The following SNX9 variants were observed in gnomAD, a reference collection of about 807,000 sequenced individuals.
The protein encoded by SNX9 is sorting nexin-9.
A neutral mutation model predicts 89.4 loss-of-function variants in SNX9; 44 were observed. The observed-to-expected ratio is 0.49, with a 90% CI of 0.39 to 0.63. The LOEUF is 0.63. Among genes scored for constraint, SNX9 ranks in the 30% least tolerant of loss-of-function variants. The pLI is 0.00. For synonymous variants in SNX9, 236 were observed against 247.8 expected, an observed-to-expected ratio of 0.95 and a Z score of 0.45; for missense variants, 578 against 736.1, an observed-to-expected ratio of 0.79 and a Z score of 2.49.
intron 1 of SNX9, among the ~76,000 whole-genome samples, chr6:157,835,908 A>G (rs955572355): frequency 6.6e-6 from 1 of 152,090 alleles, no homozygotes; most frequent in African/African-American, 2.4e-5. Flanking sequence ...GACCACAGGC[A>G]TACACCACCA....
chr6:157,864,770 C>G (rs1473492950), intron 1 of SNX9, among the ~76,000 whole-genome samples: 2 of 152,192 alleles, frequency 1.3e-5, no homozygotes, highest in African/African-American at 4.8e-5. Flanking sequence ...TGGCTCACAC[C>G]TGTAATCCCA....
At chr6:157,922,172 G>A (rs557613188) in intron 10 of SNX9, among the ~76,000 whole-genome samples, 1 of 152,204 alleles carries the variant, frequency 6.6e-6, no homozygotes, top group Non-Finnish European at 1.5e-5. Context: ...TGCCCCTGTG[G>A]CCTGTAGTCT....
chr6:157,897,348 G>A (rs1026054364), intron 5 of SNX9, among the ~76,000 whole-genome samples: 3 of 152,166 alleles, frequency 2.0e-5, no homozygotes, highest in African/African-American at 7.2e-5. Context: ...CAAATAAAGA[G>A]CCAGATGAAG....
intron 4 of SNX9, among the ~76,000 whole-genome samples, chr6:157,891,027 CTTTTTTTT>C (rs67186551): frequency 8.7e-6 from 1 of 114,940 alleles, no homozygotes; most frequent in Non-Finnish European, 1.8e-5. Context: ...TTTTCTTTCT[CTTTTTTTT>C]TTTTTTTTTT....
intron 1 of SNX9, among the ~76,000 whole-genome samples, chr6:157,836,578 ACAC>A (rs1001551780): frequency 4.6e-5 from 7 of 151,498 alleles, no homozygotes; most frequent in African/African-American, 1.7e-4. Flanking sequence ...GGGGCTGAGA[ACAC>A]ACATTTCTTT....
At chr6:157,893,402 ACAT>A (rs1406222721) in intron 4 of SNX9, among the ~76,000 whole-genome samples, 1 of 152,220 alleles carries the variant, frequency 6.6e-6, no homozygotes, top group Non-Finnish European at 1.5e-5. Flanking sequence ...CAGTAGAATG[ACAT>A]CATACTTGCA....
intron 5 of SNX9, among the ~76,000 whole-genome samples, chr6:157,900,405 C>T (rs1056798627): frequency 8.5e-5 from 13 of 152,144 alleles, no homozygotes; most frequent in African/African-American, 2.4e-4. Flanking sequence ...TTTCTCCCAG[C>T]CTATTGCGGG....
intron 1 of SNX9, among the ~76,000 whole-genome samples, chr6:157,834,382 T>G (rs935561924): frequency 2.7e-4 from 41 of 150,532 alleles, no homozygotes; most frequent in African/African-American, 1.0e-3. Context: ...GGTCTCAGTC[T>G]GTTCCTCAGG....
At chr6:157,881,697 G>A (rs1002664391) in intron 4 of SNX9, among the ~76,000 whole-genome samples, 3 of 152,190 alleles carry the variant, frequency 2.0e-5, no homozygotes, top group Non-Finnish European at 4.4e-5. Flanking sequence ...AGTGGTCTGG[G>A]TAGAAGATCA....
At chr6:157,926,675 G>A (rs1412023760) in intron 10 of SNX9, among the ~76,000 whole-genome samples, 2 of 151,468 alleles carry the variant, frequency 1.3e-5, no homozygotes, top group Non-Finnish European at 2.9e-5. Context: ...CCAGCTACTT[G>A]GGGGCTGAGG....
intron 11 of SNX9, 38 bp from the exon 12 acceptor site, chr6:157,928,561 C>A (rs1783741773): frequency 6.6e-7 from 1 of 1,524,438 alleles, no homozygotes; most frequent in African/African-American, 1.4e-5. Context: ...AGTGCTGTTT[C>A]TCCTGCTTAT....
intron 5 of SNX9, among the ~76,000 whole-genome samples, chr6:157,899,337 G>A (rs1454486870): frequency 6.6e-6 from 1 of 151,988 alleles, no homozygotes; most frequent in Non-Finnish European, 1.5e-5. Context: ...TCCTCCCCAA[G>A]CCTCTAGAAT....
intron 2 of SNX9, among the ~76,000 whole-genome samples, chr6:157,870,271 C>T (rs759068002): frequency 2.0e-5 from 3 of 147,878 alleles, no homozygotes; most frequent in Non-Finnish European, 4.5e-5. Flanking sequence ...CATCCCCACG[C>T]TCATGCTCTC....
chr6:157,890,149 C>T (rs1443678893), intron 4 of SNX9, among the ~76,000 whole-genome samples: 2 of 152,190 alleles, frequency 1.3e-5, no homozygotes, highest in Non-Finnish European at 2.9e-5. Context: ...TAAACTCCAC[C>T]TAGTGTACCA....
chr6:157,833,803 TTGA>T (rs1781519585), intron 1 of SNX9, among the ~76,000 whole-genome samples: 1 of 152,362 alleles, frequency 6.6e-6, no homozygotes, highest in East Asian at 1.9e-4. Context: ...AGTTGTTTTG[TTGA>T]TGCATCAGAT....
Position 157,828,249 on chromosome 6 carries a change from C to G in SNX9, c.12+4803C>G, listed in dbSNP as rs549468652. ...GTATAGTCAAAGATAAGTTCTGTGA[C>G]AGTAGAAAGATGAACAAGTCTCATT... On this transcript the variant is annotated intron_variant, in intron 1 of 17. Coordinates refer to ENST00000392185, the MANE Select transcript of SNX9 (RefSeq NM_016224.5). Among the ~76,000 whole-genome samples the G allele has an allele frequency of 1.3e-4, 20 of 151,888 alleles. No individual in the cohort carries two copies. The South Asian group carries it at 3.1e-3, about 24-fold the overall frequency.
At chr6:157,888,253 G>GT (rs1583218209) in intron 4 of SNX9, among the ~76,000 whole-genome samples, 1 of 152,088 alleles carries the variant, frequency 6.6e-6, no homozygotes, top group Non-Finnish European at 1.5e-5. Flanking sequence ...GGCTATTTCT[G>GT]TTTTTTCCTC....
intron 5 of SNX9, among the ~76,000 whole-genome samples, chr6:157,900,319 A>G (rs1425505261): frequency 6.6e-6 from 1 of 151,774 alleles, no homozygotes; most frequent in Non-Finnish European, 1.5e-5. Context: ...AGCTTTTTTT[A>G]TTTGCTATTG....
At chr6:157,923,013 G>A (rs1783614416) in intron 10 of SNX9, among the ~76,000 whole-genome samples, 1 of 152,222 alleles carries the variant, frequency 6.6e-6, no homozygotes, top group Non-Finnish European at 1.5e-5. Context: ...AAGCATTTCT[G>A]AAGGTCATGT....
Sources: allele counts gnomAD v4.1 joint callset (sites outside exome capture counted in the v4.1 genomes callset), GRCh38; gene constraint gnomAD v4.1.1; transcripts MANE v1.5; gene names NCBI Gene and HGNC (gene_info 2026-07-23, HGNC 2026-07-21).